Variants in PTK2B observed in about 807,000 individuals in gnomAD.
The protein encoded by PTK2B is protein-tyrosine kinase 2-beta.
A neutral mutation model predicts 142.9 loss-of-function variants in PTK2B; 71 were observed. The ratio of observed to expected loss-of-function variants is 0.50; its 90% confidence interval spans 0.41 to 0.61. The LOEUF is 0.61. Ranked by LOEUF, PTK2B falls within the 20% of genes least tolerant of loss-of-function variation. The pLI is 0.00. For missense variants in PTK2B, 1,105 were observed against 1,320.4 expected (o/e 0.84, Z 2.53); for synonymous variants, 519 against 503.4 (o/e 1.03, Z -0.42).
At chr8:27,361,590 C>A (rs1805708152) in intron 1 of PTK2B, among the ~76,000 whole-genome samples, 1 of 152,122 alleles carries the variant, frequency 6.6e-6, no homozygotes, top group South Asian at 2.1e-4. Flanking sequence ...GGCCCCAGCT[C>A]TCCCTCTGAC....
chr8:27,364,814 A>G (rs1219402483), intron 1 of PTK2B, among the ~76,000 whole-genome samples: 1 of 152,132 alleles, frequency 6.6e-6, no homozygotes, highest in Non-Finnish European at 1.5e-5. Flanking sequence ...ACCTTGGGAC[A>G]TCTTCCTTCA....
At chr8:27,314,042 G>T (rs917383478) in intron 3 of PTK2B, among the ~76,000 whole-genome samples, 40 of 152,168 alleles carry the variant, frequency 2.6e-4, no homozygotes, top group African/African-American at 8.9e-4. Flanking sequence ...GCTCATGCCT[G>T]TCTAACTACC....
chr8:27,446,364 G>A (rs1377825265), intron 24 of PTK2B, among the ~76,000 whole-genome samples: 3 of 152,126 alleles, frequency 2.0e-5, no homozygotes, highest in Non-Finnish European at 2.9e-5. Flanking sequence ...TCCCCTTTCT[G>A]CTTTTGTTCA....
At chr8:27,371,128 C>G (rs929954129) in intron 1 of PTK2B, among the ~76,000 whole-genome samples, 1 of 152,154 alleles carries the variant, frequency 6.6e-6, no homozygotes, top group African/African-American at 2.4e-5. Flanking sequence ...CTCCTGGCCT[C>G]AAGTGATACA....
At chr8:27,366,331 C>T (rs891941392) in intron 1 of PTK2B, among the ~76,000 whole-genome samples, 7 of 152,368 alleles carry the variant, frequency 4.6e-5, no homozygotes, top group Non-Finnish European at 8.8e-5. Flanking sequence ...CTAATCCCCC[C>T]AGTTCCCATC....
intron 1 of PTK2B, among the ~76,000 whole-genome samples, chr8:27,337,026 TATTGATG>T (rs1456685195): frequency 6.8e-6 from 1 of 148,122 alleles, no homozygotes; most frequent in Non-Finnish European, 1.5e-5. Flanking sequence ...AATTAATACT[TATTGATG>T]AATAGTAGTT....
chr8:27,362,435 G>A (rs1010158067), intron 1 of PTK2B, among the ~76,000 whole-genome samples: 14 of 152,292 alleles, frequency 9.2e-5, no homozygotes, highest in South Asian at 2.1e-4. Context: ...TTCTAAAGTC[G>A]TTGACCTAGG....
chr8:27,318,306 T>G (rs1028270985), intron 3 of PTK2B, among the ~76,000 whole-genome samples: 2 of 152,198 alleles, frequency 1.3e-5, no homozygotes, highest in Admixed American at 6.5e-5. Context: ...TCACCACGTT[T>G]GTTAAAATTA....
intron 1 of PTK2B, among the ~76,000 whole-genome samples, chr8:27,383,101 T>C (rs1343620871): frequency 6.6e-6 from 1 of 152,038 alleles, no homozygotes; most frequent in Non-Finnish European, 1.5e-5. Flanking sequence ...AAGAATATCA[T>C]TGGTCTTTTG....
At chr8:27,358,979 C>T (rs1365253343) in intron 1 of PTK2B, among the ~76,000 whole-genome samples, 1 of 152,144 alleles carries the variant, frequency 6.6e-6, no homozygotes, top group Admixed American at 6.6e-5. Context: ...TAATCTTTCT[C>T]TTCTCATGTC....
intron 1 of PTK2B, among the ~76,000 whole-genome samples, chr8:27,377,660 C>T (rs1167055143): frequency 6.6e-6 from 1 of 152,204 alleles, no homozygotes; most frequent in Non-Finnish European, 1.5e-5. Flanking sequence ...AGACAAAGAG[C>T]TAGTACACTG....
At chr8:27,330,182 G>A (rs1803658935) in intron 1 of PTK2B, among the ~76,000 whole-genome samples, 1 of 152,140 alleles carries the variant, frequency 6.6e-6, no homozygotes, top group Non-Finnish European at 1.5e-5. Context: ...TGCACCCACT[G>A]AATAATAATA....
At chr8:27,430,558 G>A (rs111320620) in intron 7 of PTK2B, 140 bp downstream of exon 7, 32,481 of 1,131,632 alleles carry the variant, frequency 0.029, 660 homozygotes, top group South Asian at 0.058. Context: ...ACCACTAAAT[G>A]TACCCAGGGG....
At chr8:27,420,784 A>G (rs2131836227) in intron 4 of PTK2B, 40 bp downstream of exon 4, 1 of 1,534,720 alleles carries the variant, frequency 6.5e-7, no homozygotes, top group Non-Finnish European at 9.0e-7. Context: ...GGCTCCCATT[A>G]CACCTCAAAT....
intron 1 of PTK2B, among the ~76,000 whole-genome samples, chr8:27,341,734 C>T (rs528557850): frequency 1.3e-5 from 2 of 152,194 alleles, no homozygotes; most frequent in African/African-American, 4.8e-5. Context: ...AGTACAATAG[C>T]ATAGTTATAC....
Position 27,454,231 on chromosome 8 carries a change from G to A in PTK2B, c.2673G>A (p.Val891=). The A allele has an allele frequency of 6.2e-7, 1 of 1,614,164 alleles. No homozygotes were observed. Among genetic ancestry groups the A allele is most frequent in the Middle Eastern group, 1.6e-4 (1 of 6,062 alleles). Residue 891 remains valine (V), a synonymous_variant, in exon 29 of 31, where the codon GTG becomes GTA. Transcript: ENST00000346049. Reference sequence around the variant, plus strand: ...ATGTCATGGAGCTGGTGCGGGCCGTGCTGGAGCTCAAGAATGAGCTCTGTC... The same window carrying A: ...ATGTCATGGAGCTGGTGCGGGCCGTACTGGAGCTCAAGAATGAGCTCTGTC... The part of the protein sequence containing the change: ...YLNVMELVRA[V]LELKNELCQL...
Position 27,418,211 on chromosome 8 carries a change from T to C in PTK2B, c.205-1684T>C, listed in dbSNP as rs374464973. On this transcript the variant is annotated intron_variant, in intron 2 of 30. Coordinates refer to ENST00000346049, the MANE Select transcript of PTK2B (RefSeq NM_173176.3). Reference sequence around the variant, plus strand: ...ATTTTCTTTCCTAATGGGGAAGGGATTTTTCAGGCTGAGGGTCTTCTAGTT... The same window carrying C: ...ATTTTCTTTCCTAATGGGGAAGGGACTTTTCAGGCTGAGGGTCTTCTAGTT... Among the ~76,000 whole-genome samples the C allele has an allele frequency of 2.0e-4, 30 of 152,110 alleles. 1 individual carries two copies. The highest frequency in any genetic ancestry group is 1.9e-3 in the East Asian group (10 of 5,186).
chr8:27,458,955 GGGGTCA>G lies in PTK2B; in HGVS notation c.*449_*454del. 1 of 319,074 alleles carries G rather than the reference GGGGTCA, an allele frequency of 3.1e-6. No individual in the cohort carries two copies. The highest frequency in any genetic ancestry group is 5.9e-6 in the Non-Finnish European group (1 of 169,304). The allele number at this position is 319,074 out of a possible 1,614,324, so 19.8% of individuals were successfully genotyped here. On this transcript the variant is annotated 3_prime_UTR_variant, in exon 31 of 31. Coordinates refer to ENST00000346049, the MANE Select transcript of PTK2B (RefSeq NM_173176.3). Reference sequence around the variant, plus strand: ...GAAGCTGGGGAGGAGCTTTGTTTTGGGGGTCAGGCAGCCAGTGAGATGAGGGATGGG... The same window carrying G: ...GAAGCTGGGGAGGAGCTTTGTTTTGGGGCAGCCAGTGAGATGAGGGATGGG...
At chr8:27,421,325 TTTC>T (rs1809737135) in intron 4 of PTK2B, among the ~76,000 whole-genome samples, 1 of 107,812 alleles carries the variant, frequency 9.3e-6, no homozygotes, top group African/African-American at 3.3e-5. Flanking sequence ...TATTTATTTA[TTTC>T]AATGGGTTTT....
Sources: allele counts gnomAD v4.1 joint callset (sites outside exome capture counted in the v4.1 genomes callset), GRCh38; gene constraint gnomAD v4.1.1; transcripts MANE v1.5; gene names NCBI Gene and HGNC (gene_info 2026-07-23, HGNC 2026-07-21).